SNTG1: variants seen among roughly 807,000 people sequenced by gnomAD.
SNTG1 encodes the protein syntrophin gamma 1.
In SNTG1, 39 loss-of-function variants were observed where a neutral mutation model predicts 74.7. That is an observed-to-expected ratio of 0.52 (90% CI 0.40 to 0.68). The LOEUF is 0.68. Among genes scored for constraint, SNTG1 ranks in the 30% least tolerant of loss-of-function variants. The pLI is 0.00. For missense variants in SNTG1, 685 were observed against 609.5 expected (o/e 1.12, Z -1.30); for synonymous variants, 254 against 217.1 (o/e 1.17, Z -1.49).
At chr8:50,667,613 C>G (rs1269888547) in intron 15 of SNTG1, among the ~76,000 whole-genome samples, 1 of 151,966 alleles carries the variant, frequency 6.6e-6, no homozygotes, top group Non-Finnish European at 1.5e-5. Context: ...ATTGGCTCCC[C>G]AAGTCCCTAC....
rs565370838 is a variant in SNTG1 at position 50,205,417 on chromosome 8, T to G, written c.-28+32782T>G. On this transcript the variant is annotated intron_variant, in intron 2 of 18. Coordinates refer to ENST00000642720, the MANE Select transcript of SNTG1 (RefSeq NM_018967.5). ...TCCTTTGCCCACTTTTTGATGGGGT[T>G]GTTTGATTTTTTTCTTGTAAATCTG... 3.8e-4 allele frequency among the ~76,000 whole-genome samples: 58 copies of G among 152,192 alleles called. 1 individual carries two copies. Among genetic ancestry groups the G allele is most frequent in the Non-Finnish European group, 7.8e-4 (53 of 68,028 alleles).
At chr8:50,398,531 C>T (rs548350788) in intron 3 of SNTG1, among the ~76,000 whole-genome samples, 1 of 152,208 alleles carries the variant, frequency 6.6e-6, no homozygotes, top group Non-Finnish European at 1.5e-5. Context: ...CACATATTTC[C>T]TATCCTCCAT....
In SNTG1 at chr8:50,016,943, CAT is replaced by C. The variant is rs140940551; in HGVS notation, c.-103+104714_-103+104715del. Among the ~76,000 whole-genome samples, 746 of 152,150 alleles carry C rather than the reference CAT, an allele frequency of 4.9e-3. 8 individuals carry two copies. The highest frequency in any genetic ancestry group is 0.017 in the African/African-American group (690 of 41,524). ...AGGAAGCTGGAAAGCAGTGAGATGA[CAT>C]AGTTAAAGTTGTGGCAGAAAAGGGC... On this transcript the variant is annotated intron_variant, in intron 1 of 18. Coordinates refer to ENST00000642720, the MANE Select transcript of SNTG1 (RefSeq NM_018967.5).
At chr8:50,480,069 C>G (rs1232658076) in intron 8 of SNTG1, among the ~76,000 whole-genome samples, 2 of 152,118 alleles carry the variant, frequency 1.3e-5, no homozygotes, top group African/African-American at 2.4e-5. Context: ...GCTAGAATTA[C>G]ATGTCAAACA....
intron 2 of SNTG1, among the ~76,000 whole-genome samples, chr8:50,391,885 A>G (rs2092666940): frequency 6.6e-6 from 1 of 152,176 alleles, no homozygotes; most frequent in East Asian, 1.9e-4. Flanking sequence ...ATAGTTAAAA[A>G]GAACATCAGA....
chr8:50,285,672 T>A (rs1345325385), intron 2 of SNTG1, among the ~76,000 whole-genome samples: 2 of 152,074 alleles, frequency 1.3e-5, no homozygotes, highest in Non-Finnish European at 2.9e-5. Flanking sequence ...ATGACTAAAT[T>A]GAGTTCATCA....
chr8:50,635,446 C>A (rs930200282), intron 13 of SNTG1, among the ~76,000 whole-genome samples: 19 of 152,080 alleles, frequency 1.2e-4, no homozygotes, highest in African/African-American at 4.6e-4. Flanking sequence ...GAGTCAGAAA[C>A]CTTAGAAATT....
chr8:50,453,441 C>T (rs1387241236), intron 8 of SNTG1, among the ~76,000 whole-genome samples: 3 of 152,168 alleles, frequency 2.0e-5, no homozygotes, highest in African/African-American at 7.2e-5. Flanking sequence ...TCACAGTTTC[C>T]TCATGAAAGG....
At chr8:50,688,838 T>A (rs1387130900) in intron 15 of SNTG1, among the ~76,000 whole-genome samples, 1 of 151,726 alleles carries the variant, frequency 6.6e-6, no homozygotes, top group Non-Finnish European at 1.5e-5. Context: ...ATCTATAAAT[T>A]ACCTTGGACA....
intron 17 of SNTG1, among the ~76,000 whole-genome samples, chr8:50,735,096 C>A: frequency 6.6e-6 from 1 of 151,010 alleles, no homozygotes; most frequent in Non-Finnish European, 1.5e-5. Flanking sequence ...ACTATCTGTT[C>A]ATCATCCGAA....
chr8:50,037,684 T>C (rs1209083581), intron 1 of SNTG1, among the ~76,000 whole-genome samples: 1 of 152,228 alleles, frequency 6.6e-6, no homozygotes, highest in Non-Finnish European at 1.5e-5. Context: ...CAGTTGTCCT[T>C]GGACAAATTC....
chr8:49,965,536 C>A (rs558110335), intron 1 of SNTG1, among the ~76,000 whole-genome samples: 24 of 152,192 alleles, frequency 1.6e-4, no homozygotes, highest in Admixed American at 1.4e-3. Context: ...TCAAGAGAAT[C>A]CTGCTCTGGA....
In SNTG1 at chr8:50,704,694, T is replaced by G; in HGVS notation, c.1133T>G (p.Leu378Arg). Residue 378 changes from leucine to arginine, a missense_variant, in exon 16 of 19, where the codon CTC (leucine) becomes CGC (arginine). By Grantham distance (102) the Leu-to-Arg change is moderately radical (BLOSUM62 -2). Coordinates refer to ENST00000642720, the MANE Select transcript of SNTG1 (RefSeq NM_018967.5). ...TTCTCAGTGGAGCTGGAAAGTGACC[T>G]CGCCCAGTGGGAAAGAGCCTTCCAG... ...LYFSVELESDLAQWERAFQTA... is the reference protein window; with the variant it reads ...LYFSVELESDRAQWERAFQTA... 6.2e-7 allele frequency: 1 copy of G among 1,614,090 alleles called. No individual in the cohort carries two copies. The highest frequency in any genetic ancestry group is 1.1e-5 in the South Asian group (1 of 91,076).
intron 2 of SNTG1, among the ~76,000 whole-genome samples, chr8:50,324,351 T>A (rs553868552): frequency 6.6e-6 from 1 of 152,218 alleles, no homozygotes; most frequent in Non-Finnish European, 1.5e-5. Context: ...TATGCCACAG[T>A]TGTTGGCATT....
At chr8:50,683,854 G>A (rs778462443) in intron 15 of SNTG1, among the ~76,000 whole-genome samples, 16 of 152,150 alleles carry the variant, frequency 1.1e-4, no homozygotes, top group Admixed American at 3.3e-4. Flanking sequence ...AAAGCTGAAA[G>A]GTGATTTCAT....
chr8:49,991,713 A>C (rs1269997588), intron 1 of SNTG1, among the ~76,000 whole-genome samples: 1 of 152,216 alleles, frequency 6.6e-6, no homozygotes, highest in Non-Finnish European at 1.5e-5. Flanking sequence ...ACAAAAGAGC[A>C]CATATGTTGT....
intron 1 of SNTG1, among the ~76,000 whole-genome samples, chr8:50,111,806 A>G (rs1012595089): frequency 6.6e-6 from 1 of 152,186 alleles, no homozygotes; most frequent in African/African-American, 2.4e-5. Context: ...CTGTGGCCAA[A>G]TAACAGGAGT....
intron 8 of SNTG1, among the ~76,000 whole-genome samples, chr8:50,500,814 T>G (rs2093944939): frequency 6.6e-6 from 1 of 152,108 alleles, no homozygotes; most frequent in South Asian, 2.1e-4. Flanking sequence ...TGGGATTGTT[T>G]GAAGGGATGG....
At chr8:49,928,052 CCGGGAGG>C (rs1352427768) in intron 1 of SNTG1, among the ~76,000 whole-genome samples, 1 of 150,818 alleles carries the variant, frequency 6.6e-6, no homozygotes, top group African/African-American at 2.4e-5. Context: ...TCGCTTGAAT[CCGGGAGG>C]CGGAGGTTGT....
Sources: allele counts gnomAD v4.1 joint callset (sites outside exome capture counted in the v4.1 genomes callset), GRCh38; gene constraint gnomAD v4.1.1; transcripts MANE v1.5; gene names NCBI Gene and HGNC (gene_info 2026-07-23, HGNC 2026-07-21).